Variants in TNIP1 observed in about 807,000 individuals in gnomAD.
The protein encoded by TNIP1 is TNFAIP3 interacting protein 1.
Under a neutral mutation model 86.6 loss-of-function variants are expected in TNIP1, and 22 were observed. That is an observed-to-expected ratio of 0.25 (90% confidence interval 0.18 to 0.36). The LOEUF is 0.36. Among genes scored for constraint, TNIP1 ranks in the 10% least tolerant of loss-of-function variants. The pLI is 1.00. For missense variants in TNIP1, 709 were observed against 820.6 expected (o/e 0.86, Z 1.66); for synonymous variants, 294 against 313.0 (o/e 0.94, Z 0.64).
chr5:151,055,852 C>T (rs1006171646), intron 6 of TNIP1, among the ~76,000 whole-genome samples: 8 of 152,182 alleles, frequency 5.3e-5, no homozygotes, highest in Admixed American at 2.6e-4. Context: ...ACTCAGATCA[C>T]GAGCAGTCCC....
intron 1 of TNIP1, among the ~76,000 whole-genome samples, chr5:151,086,824 A>G (rs3792779): frequency 6.6e-6 from 1 of 152,122 alleles, no homozygotes; most frequent in Admixed American, 6.5e-5. Flanking sequence ...AGGCAAGGCC[A>G]GAAGAAGAGG....
chr5:151,048,254 C>A (rs1184306203), intron 8 of TNIP1, among the ~76,000 whole-genome samples: 1 of 152,170 alleles, frequency 6.6e-6, no homozygotes, highest in Non-Finnish European at 1.5e-5. Flanking sequence ...AGAGAGGAGT[C>A]CACGTGGAGT....
chr5:151,055,871 C>T (rs1188328430), intron 6 of TNIP1, among the ~76,000 whole-genome samples: 2 of 152,212 alleles, frequency 1.3e-5, no homozygotes, highest in Non-Finnish European at 2.9e-5. Flanking sequence ...CCTCAGAAGC[C>T]TCCGTTTTGC....
chr5:151,052,072 C>G, intron 7 of TNIP1, 93 bp downstream of exon 7: 2 of 1,144,078 alleles, frequency 1.7e-6, no homozygotes, highest in Admixed American at 4.0e-5. Flanking sequence ...GGCCTCAGAG[C>G]CACGGTCCTC....
At chr5:151,073,243 A>AAG (rs1763016878) in intron 1 of TNIP1, among the ~76,000 whole-genome samples, 2 of 149,162 alleles carry the variant, frequency 1.3e-5, no homozygotes, top group Non-Finnish European at 3.0e-5. Context: ...AAAAAAAAAA[A>AAG]GGGGTGTTTG....
At chr5:151,083,370 C>T (rs1274942198), upstream of TNIP1, among the ~76,000 whole-genome samples, 1 of 152,200 alleles carries the variant, frequency 6.6e-6, no homozygotes, top group East Asian at 1.9e-4. Context: ...GAACTTGGCT[C>T]TTAAACTCAG....
At chr5:151,082,042 C>T (rs1764063769), upstream of TNIP1, among the ~76,000 whole-genome samples, 1 of 152,186 alleles carries the variant, frequency 6.6e-6, no homozygotes, top group Admixed American at 6.5e-5. Context: ...CTGTTGAAAA[C>T]TTAGTCATTG....
At chr5:151,039,475 G>A (rs1468751164) in intron 11 of TNIP1, among the ~76,000 whole-genome samples, 4 of 152,096 alleles carry the variant, frequency 2.6e-5, no homozygotes, top group Admixed American at 1.3e-4. Context: ...CCTGGATTCC[G>A]ACACCAGTTC....
chr5:151,049,724 T>G, intron 8 of TNIP1, 100 bp downstream of exon 8: 1 of 1,428,356 alleles, frequency 7.0e-7, no homozygotes, highest in Non-Finnish European at 9.7e-7. Flanking sequence ...CCACTGGCAC[T>G]GGCTGCAGGA....
At chr5:151,061,198 C>T (rs534935326) in intron 4 of TNIP1, among the ~76,000 whole-genome samples, 10 of 152,248 alleles carry the variant, frequency 6.6e-5, no homozygotes, top group Admixed American at 3.3e-4. Flanking sequence ...TTCCATGTCC[C>T]GTTAAACCTG....
chr5:151,059,039 G>A (rs1020707576), intron 5 of TNIP1, among the ~76,000 whole-genome samples: 1 of 152,220 alleles, frequency 6.6e-6, no homozygotes, highest in African/African-American at 2.4e-5. Context: ...AAGGAGCTGA[G>A]GTGGCAGATG....
chr5:151,055,798 G>A (rs1760584605), intron 6 of TNIP1, among the ~76,000 whole-genome samples: 1 of 152,240 alleles, frequency 6.6e-6, no homozygotes, highest in African/African-American at 2.4e-5. Flanking sequence ...TCTGCAGGGA[G>A]TAAGGAGGCT....
At chr5:151,087,092 A>C (rs1316773606) in exon 1 of TNIP1, 2 of 152,862 alleles carry the variant, frequency 1.3e-5, no homozygotes, top group Non-Finnish European at 2.9e-5. Flanking sequence ...CACCTGGGGA[A>C]GGGCAGGAGA....
At chr5:151,078,239 T>C (rs1276656115) in intron 1 of TNIP1, among the ~76,000 whole-genome samples, 1 of 152,196 alleles carries the variant, frequency 6.6e-6, no homozygotes, top group Non-Finnish European at 1.5e-5. Context: ...CATCAGGAAA[T>C]GATGCTTGGG....
At chr5:151,038,990 G>A (rs1758056576) in intron 12 of TNIP1, 107 bp downstream of exon 12, 1 of 1,436,582 alleles carries the variant, frequency 7.0e-7, no homozygotes, top group South Asian at 1.4e-5. Context: ...CTCACTGACT[G>A]GGGGTTACCC....
intron 8 of TNIP1, among the ~76,000 whole-genome samples, chr5:151,047,606 C>T (rs557356915): frequency 2.0e-5 from 3 of 152,068 alleles, no homozygotes; most frequent in South Asian, 2.1e-4. Flanking sequence ...AAGATGTTGC[C>T]GTTAGGGGAA....
At chr5:151,031,337 T>C (rs1055424549) in intron 17 of TNIP1, among the ~76,000 whole-genome samples, 1 of 152,186 alleles carries the variant, frequency 6.6e-6, no homozygotes, top group African/African-American at 2.4e-5. Context: ...TTCCTCTTCA[T>C]GTTGCGATGG....
chr5:151,069,517 C>A (rs992470001), intron 1 of TNIP1, among the ~76,000 whole-genome samples: 2 of 152,198 alleles, frequency 1.3e-5, no homozygotes, highest in Non-Finnish European at 2.9e-5. Context: ...AATTTAATGC[C>A]TTTGGTCACT....
chr5:151,085,055 G>A (rs960373475), upstream of TNIP1, among the ~76,000 whole-genome samples: 1 of 152,196 alleles, frequency 6.6e-6, no homozygotes, highest in Non-Finnish European at 1.5e-5. Flanking sequence ...TGCATGAGGA[G>A]GTAGTTGTAT....
Sources: gnomAD v4.1 joint callset for allele counts (sites outside exome capture counted in the v4.1 genomes callset) on GRCh38, gnomAD v4.1.1 for gene constraint, MANE v1.5 for transcripts, NCBI Gene and HGNC (gene_info 2026-07-23, HGNC 2026-07-21) for gene names.